Variants in PCDHGA3 observed in about 807,000 individuals in gnomAD.
PCDHGA3 encodes the protein protocadherin gamma subfamily A, 3.
In PCDHGA3, 40 loss-of-function variants were observed where a neutral mutation model predicts 58.5. The ratio of observed to expected loss-of-function variants is 0.68; its 90% confidence interval spans 0.53 to 0.89. The LOEUF is 0.89. Ranked by LOEUF, PCDHGA3 falls within the 40% of genes least tolerant of loss-of-function variation. The pLI is 0.00. For synonymous variants in PCDHGA3, 530 were observed against 525.7 expected (o/e 1.01, Z -0.11); for missense variants, 1,223 against 1,195.9 (o/e 1.02, Z -0.33).
chr5:141,351,181 G>A (rs200349180), intron 1 of PCDHGA3: 1 of 1,614,038 alleles, frequency 6.2e-7, no homozygotes, highest in African/African-American at 1.3e-5. Flanking sequence ...ATTTTGAAGA[G>A]ACAAGTAGAT....
At position 141,491,151 on chromosome 5, in the gene PCDHGA3, T is replaced by C. The variant is rs1283775894; in HGVS notation, c.2425-3656T>C. The C allele has an allele frequency of 6.2e-7, 1 of 1,614,150 alleles. No individual in the cohort carries two copies. On this transcript the variant is annotated intron_variant, in intron 1 of 3. Transcript: ENST00000253812. The surrounding 1 kb of genome is among the most constrained non-coding windows in gnomAD (Gnocchi z 6.9). ...GCACAGCCCGGGCCTTACTGGAGGA[T>C]GACTCTGACACCCAGCAGGTGGTGG...
chr5:141,463,438 CTTTTTTTTTTTT>C (rs71576115), intron 1 of PCDHGA3, among the ~76,000 whole-genome samples: 6 of 103,254 alleles, frequency 5.8e-5, no homozygotes, highest in Admixed American at 3.1e-4. Flanking sequence ...TTTCCTTCTC[CTTTTTTTTTTTT>C]TTTTTTTTTT....
chr5:141,368,549 A>T (rs928426629), intron 1 of PCDHGA3, among the ~76,000 whole-genome samples: 5 of 152,138 alleles, frequency 3.3e-5, no homozygotes, highest in Non-Finnish European at 5.9e-5. Context: ...CATTTTTTTT[A>T]AAAGAAAATG....
At chr5:141,423,644 A>G in intron 1 of PCDHGA3, 1 of 1,592,866 alleles carries the variant, frequency 6.3e-7, no homozygotes, top group South Asian at 1.1e-5. Context: ...GGCAAATGTG[A>G]CCCGACAAGT....
intron 1 of PCDHGA3, chr5:141,352,180 C>T (rs1348613685): frequency 6.2e-7 from 1 of 1,613,720 alleles, no homozygotes; most frequent in African/African-American, 1.3e-5. Flanking sequence ...GCCTGCTGGT[C>T]GCTGTGCGTG....
At chr5:141,403,219 G>A in intron 1 of PCDHGA3, 1 of 1,613,980 alleles carries the variant, frequency 6.2e-7, no homozygotes, top group South Asian at 1.1e-5. Flanking sequence ...CCGCGGGTAG[G>A]ATAGACCGGG....
In PCDHGA3 at chr5:141,490,262, G is replaced by A; in HGVS notation, c.2425-4545G>A. 1.2e-6 allele frequency: 2 copies of A among 1,614,206 alleles called. No homozygotes were observed. Among genetic ancestry groups the A allele is most frequent in the South Asian group, 1.1e-5 (1 of 91,086 alleles). On this transcript the variant is annotated intron_variant, in intron 1 of 3. Transcript: ENST00000253812. The surrounding 1 kb of genome is among the most constrained non-coding windows in gnomAD (Gnocchi z 5.4). ...CACTGTGTGATTCAAGTGGATGTGGGGGATGTCAATGACAATGCCCCAGAG... is the reference window on the plus strand; with the variant it reads ...CACTGTGTGATTCAAGTGGATGTGGAGGATGTCAATGACAATGCCCCAGAG...
chr5:141,423,983 C>T, intron 1 of PCDHGA3: 5 of 1,107,052 alleles, frequency 4.5e-6, no homozygotes, highest in Non-Finnish European at 5.6e-6. Context: ...GTATGAGGCT[C>T]TCAATTTATT....
At chr5:141,385,197 T>A (rs371691840) in intron 1 of PCDHGA3, 1 of 1,613,774 alleles carries the variant, frequency 6.2e-7, no homozygotes, top group African/African-American at 1.3e-5. Flanking sequence ...CTCGGAAGAG[T>A]CACCTGATCT....
At chr5:141,480,894 C>CA (rs1235468010) in intron 1 of PCDHGA3, among the ~76,000 whole-genome samples, 15 of 151,848 alleles carry the variant, frequency 9.9e-5, no homozygotes, top group African/African-American at 3.4e-4. Context: ...AAAATGCAAA[C>CA]ATTAGCTGGG....
intron 1 of PCDHGA3, among the ~76,000 whole-genome samples, chr5:141,463,205 A>T (rs2099054933): frequency 6.6e-6 from 1 of 152,080 alleles, no homozygotes; most frequent in Non-Finnish European, 1.5e-5. Context: ...AGACTTGGGG[A>T]TCCATATTAA....
chr5:141,352,967 G>A (rs767244188), intron 1 of PCDHGA3, among the ~76,000 whole-genome samples: 2 of 152,168 alleles, frequency 1.3e-5, no homozygotes, highest in Non-Finnish European at 2.9e-5. Context: ...CAGCCTGGGT[G>A]ATGGGAGGGA....
rs574905149 is a variant in PCDHGA3 at position 141,400,501 on chromosome 5, G to C, written c.2424+54044G>C. 1 of 1,613,878 alleles carries C rather than the reference G, an allele frequency of 6.2e-7. No homozygotes were observed. The highest frequency in any genetic ancestry group is 1.7e-5 in the Admixed American group (1 of 60,012). On this transcript the variant is annotated intron_variant, in intron 1 of 3. Transcript: ENST00000253812. ...CTTATTTCCACTTTGTAATTCCAGC[G>C]AGTCGACTTCCCATCCTGAGTTGGT...
intron 1 of PCDHGA3, among the ~76,000 whole-genome samples, chr5:141,425,105 G>C (rs1227234896): frequency 2.0e-5 from 3 of 152,236 alleles, no homozygotes; most frequent in African/African-American, 7.2e-5. Flanking sequence ...TCCAACAGAT[G>C]CCTACATTTT....
At chr5:141,352,725 C>T (rs773412097) in intron 1 of PCDHGA3, 4 of 1,528,522 alleles carry the variant, frequency 2.6e-6, no homozygotes, top group Non-Finnish European at 3.5e-6. Flanking sequence ...CGCGGTGGCT[C>T]AAGCCTGTAA....
At chr5:141,401,856 T>C (rs778189763) in intron 1 of PCDHGA3, among the ~76,000 whole-genome samples, 2 of 152,228 alleles carry the variant, frequency 1.3e-5, no homozygotes, top group Non-Finnish European at 2.9e-5. Context: ...ACTTTTAACC[T>C]TTCAGTAGTT....
rs558972594 is a variant in PCDHGA3 at position 141,485,292 on chromosome 5, A to G, written c.2425-9515A>G. ...CGCTACCCGGTCCCAGAGGAGTCAC[A>G]GGAAGGGACTTTTGTAGGGAATGTC... On this transcript the variant is annotated intron_variant, in intron 1 of 3. Coordinates refer to ENST00000253812, the MANE Select transcript of PCDHGA3 (RefSeq NM_018916.4). The surrounding 1 kb of genome is among the most constrained non-coding windows in gnomAD (Gnocchi z 5.7). 1 of 1,614,120 alleles carries G rather than the reference A, an allele frequency of 6.2e-7. No individual in the cohort carries two copies. Among genetic ancestry groups the G allele is most frequent in the African/African-American group, 1.3e-5 (1 of 75,058 alleles).
intron 1 of PCDHGA3, among the ~76,000 whole-genome samples, chr5:141,460,317 A>G (rs1045494740): frequency 4.6e-5 from 7 of 152,260 alleles, no homozygotes; most frequent in African/African-American, 1.7e-4. Flanking sequence ...CTCCTTGCCT[A>G]CTGAAAACTT....
intron 1 of PCDHGA3, chr5:141,393,991 A>C (rs2092893166): frequency 6.2e-7 from 1 of 1,613,604 alleles, no homozygotes; most frequent in East Asian, 2.2e-5. Flanking sequence ...TTACCTTTTA[A>C]ATTAGAAAAG....
Sources: allele counts gnomAD v4.1 joint callset (sites outside exome capture counted in the v4.1 genomes callset), GRCh38; gene constraint gnomAD v4.1.1; non-coding constraint Gnocchi (gnomAD v3.1); transcripts MANE v1.5; gene names NCBI Gene and HGNC (gene_info 2026-07-23, HGNC 2026-07-21).